Variants in PRKN observed in about 807,000 individuals in gnomAD.
PRKN encodes the protein E3 ubiquitin-protein ligase parkin.
In PRKN, 56 loss-of-function variants were observed where a neutral mutation model predicts 59.5. That is an observed-to-expected ratio of 0.94 (90% confidence interval 0.76 to 1.18). The LOEUF (loss-of-function observed/expected upper bound fraction) is 1.18, where lower values mean the gene tolerates loss of function less well. Among genes scored for constraint, PRKN ranks in the 50% most tolerant of loss-of-function variants. The pLI is 0.00. For missense variants in PRKN, 657 were observed against 596.4 expected (o/e 1.10, Z -1.06); for synonymous variants, 250 against 222.1 (o/e 1.13, Z -1.12).
intron 3 of PRKN, among the ~76,000 whole-genome samples, chr6:162,233,574 G>C (rs1480661053): frequency 6.6e-6 from 1 of 152,150 alleles, no homozygotes; most frequent in Non-Finnish European, 1.5e-5. Flanking sequence ...TATAGACAAA[G>C]ATGGTCAATT....
In PRKN at chr6:161,419,217, C is replaced by T. The variant is rs1301824712; in HGVS notation, c.1084-32340G>A. Among the ~76,000 whole-genome samples, 1 of 152,090 alleles carries T rather than the reference C, an allele frequency of 6.6e-6. No homozygotes were observed. Among genetic ancestry groups the T allele is most frequent in the Non-Finnish European group, 1.5e-5 (1 of 68,030 alleles). On this transcript the variant is annotated intron_variant, in intron 9 of 11. Coordinates refer to ENST00000366898, the MANE Select transcript of PRKN (RefSeq NM_004562.3). This position sits in a 1 kb window ranked among gnomAD's most constrained non-coding sequence, Gnocchi z 4.1. ...CTTCTTGTGCGTGATCTCACCTGTT[C>T]CCCCACTTATGTGACCATTTTACAA... is the stretch of plus-strand genomic sequence containing the variant.
intron 6 of PRKN, among the ~76,000 whole-genome samples, chr6:161,929,955 C>T (rs565258141): frequency 6.0e-4 from 91 of 152,236 alleles, no homozygotes; most frequent in Middle Eastern, 6.8e-3. Flanking sequence ...GAAGGTGTTC[C>T]CTTTGCCTTG....
intron 2 of PRKN, among the ~76,000 whole-genome samples, chr6:162,422,976 A>AAAAT (rs1789053232): frequency 6.6e-6 from 1 of 151,000 alleles, no homozygotes; most frequent in Non-Finnish European, 1.5e-5. Flanking sequence ...AAAAAAAAAA[A>AAAAT]AGCATCATAA....
At chr6:161,573,749 A>ATT (rs1562534882) in intron 7 of PRKN, among the ~76,000 whole-genome samples, 2,337 of 31,006 alleles carry the variant, frequency 0.075, 188 homozygotes, top group Non-Finnish European at 0.084. Flanking sequence ...AAAAAAAAAA[A>ATT]AAAAAAATAT....
chr6:161,929,517 C>CTTTTTTTTT (rs759945931), intron 6 of PRKN, among the ~76,000 whole-genome samples: 22 of 72,256 alleles, frequency 3.0e-4, no homozygotes, highest in Middle Eastern at 0.019. Context: ...AATTTCACCT[C>CTTTTTTTTT]TTTTTTTTTT....
rs1491446024 is a variant in PRKN, at chr6:162,501,515, T to TTA, written c.8-58043_8-58042insTA. Among the ~76,000 whole-genome samples, 112 of 56,768 alleles carry TTA rather than the reference T, an allele frequency of 2.0e-3. 1 individual carries two copies. The highest frequency in any genetic ancestry group is 7.8e-3 in the African/African-American group (110 of 14,116). The allele number at this position is 56,768 out of a possible 152,430, so 37.2% of individuals were successfully genotyped here. ...GGCATGTGCCACCACGCCTGGTTAA[T>TTA]TTTTTTTTTTTTTTTTTATTAGTAG... is the stretch of plus-strand genomic sequence containing the variant. On this transcript the variant is annotated intron_variant, in intron 1 of 11. Transcript: ENST00000366898.
intron 1 of PRKN, among the ~76,000 whole-genome samples, chr6:162,603,489 G>A (rs1242125825): frequency 6.6e-6 from 1 of 152,164 alleles, no homozygotes; most frequent in Non-Finnish European, 1.5e-5. Context: ...TTGCATGAGA[G>A]CATCTGACCT....
chr6:161,620,995 C>T (rs1782876209), intron 7 of PRKN, among the ~76,000 whole-genome samples: 1 of 152,144 alleles, frequency 6.6e-6, no homozygotes, highest in African/African-American at 2.4e-5. Flanking sequence ...TGGCAAGGTG[C>T]CTCCTGTCCA....
chr6:162,019,234 C>T (rs1783041631), intron 5 of PRKN, among the ~76,000 whole-genome samples: 1 of 152,156 alleles, frequency 6.6e-6, no homozygotes, highest in African/African-American at 2.4e-5. Context: ...AAGTCTCTCC[C>T]TAAATATCTT....
At chr6:162,392,089 C>A (rs1379799862) in intron 2 of PRKN, among the ~76,000 whole-genome samples, 1 of 151,742 alleles carries the variant, frequency 6.6e-6, no homozygotes, top group Admixed American at 6.6e-5. Context: ...CTTGGTTGTA[C>A]ACCCTGTTTT....
rs558094591 is a variant in PRKN, at chr6:161,388,916, G to T, written c.1084-2039C>A. Among the ~76,000 whole-genome samples the T allele has an allele frequency of 1.3e-5, 2 of 152,284 alleles. No homozygotes were observed. The highest frequency in any genetic ancestry group is 1.9e-4 in the East Asian group (1 of 5,188). ...TGTTATTTGAAATCATTAAAGTTTA[G>T]GGTGGTTTTTACACAGCAATAAATA... On this transcript the variant is annotated intron_variant, in intron 9 of 11. Transcript: ENST00000366898. The surrounding 1 kb of genome is among the most constrained non-coding windows in gnomAD (Gnocchi z 4.3).
At chr6:162,361,603 C>T (rs539096080) in intron 2 of PRKN, among the ~76,000 whole-genome samples, 5 of 151,900 alleles carry the variant, frequency 3.3e-5, no homozygotes, top group Non-Finnish European at 5.9e-5. Flanking sequence ...AGACTAATAC[C>T]GACAGACCAA....
At chr6:162,168,344 C>T (rs374735977) in intron 4 of PRKN, among the ~76,000 whole-genome samples, 6 of 151,852 alleles carry the variant, frequency 4.0e-5, no homozygotes, top group Non-Finnish European at 2.9e-5. Flanking sequence ...CAGTGCATTG[C>T]TTCTTTCCTT....
At chr6:161,845,666 A>T (rs543758947) in intron 6 of PRKN, among the ~76,000 whole-genome samples, 36 of 152,316 alleles carry the variant, frequency 2.4e-4, no homozygotes, top group Middle Eastern at 3.4e-3. Context: ...AAAGACATTA[A>T]AGATATATAC....
chr6:161,978,005 G>C (rs1167874168), intron 5 of PRKN, among the ~76,000 whole-genome samples: 1 of 149,252 alleles, frequency 6.7e-6, no homozygotes, highest in Non-Finnish European at 1.5e-5. Context: ...CTAATTTGCA[G>C]TTATTTTATT....
intron 5 of PRKN, among the ~76,000 whole-genome samples, chr6:162,010,708 TATATTATATATA>T: frequency 2.2e-4 from 1 of 4,546 alleles, no homozygotes; most frequent in African/African-American, 4.2e-3. Flanking sequence ...TTATATATAT[TATATTATATATA>T]ATACATATTA....
Position 162,195,015 on chromosome 6 carries a change from C to A in PRKN, c.534+6116G>T, listed in dbSNP as rs536472340. On this transcript the variant is annotated intron_variant, in intron 4 of 11. Transcript: ENST00000366898. The stretch of plus-strand genomic sequence containing the variant: ...GAAGGGCGACAGTGAACACGGGGGC[C>A]ACCCTGGCTTTGGTAGATGCCAGAC... 2.0e-5 allele frequency among the ~76,000 whole-genome samples: 3 copies of A among 152,250 alleles called. No homozygotes were observed. In the South Asian group the frequency reaches 6.2e-4, roughly 32 times the overall value.
intron 1 of PRKN, among the ~76,000 whole-genome samples, chr6:162,463,366 A>C (rs773388631): frequency 2.0e-5 from 3 of 152,146 alleles, no homozygotes; most frequent in Non-Finnish European, 4.4e-5. Flanking sequence ...CTGTTAGGAG[A>C]TTATTCTCCA....
At chr6:162,430,615 G>A (rs9365422) in intron 2 of PRKN, among the ~76,000 whole-genome samples, 17,649 of 151,912 alleles carry the variant, frequency 0.12, 1,398 homozygotes, top group African/African-American at 0.23. Context: ...TAAAAACAGA[G>A]TTGGGGTTTA....
Sources: gnomAD v4.1 joint callset for allele counts (sites outside exome capture counted in the v4.1 genomes callset) on GRCh38, gnomAD v4.1.1 for gene constraint, Gnocchi (gnomAD v3.1) non-coding constraint, MANE v1.5 for transcripts, NCBI Gene and HGNC (gene_info 2026-07-23, HGNC 2026-07-21) for gene names.